ATP8B1: variants seen among roughly 807,000 people sequenced by gnomAD.
ATP8B1 encodes ATPase phospholipid transporting 8B1, also known as phospholipid-transporting ATPase IC.
ATP8B1 carries 80 observed loss-of-function variants against 149.9 expected under a neutral mutation model. That is an observed-to-expected ratio of 0.53 (90% CI 0.45 to 0.64). ATP8B1 has a LOEUF of 0.64. Among genes scored for constraint, ATP8B1 ranks in the 30% least tolerant of loss-of-function variants. The pLI is 0.00. For synonymous variants in ATP8B1, 536 were observed against 562.8 expected, an observed-to-expected ratio of 0.95 and a Z score of 0.67; for missense variants, 1,247 against 1,552.6, an observed-to-expected ratio of 0.80 and a Z score of 3.31.
chr18:57,766,322 A>T (rs553666537), intron 1 of ATP8B1, among the ~76,000 whole-genome samples: 19 of 152,180 alleles, frequency 1.2e-4, no homozygotes, highest in Non-Finnish European at 1.6e-4. Flanking sequence ...ATAACAATAA[A>T]TTTTTTTTAA....
chr18:57,651,983 A>G, intron 26 of ATP8B1, 51 bp downstream of exon 26: 1 of 1,581,312 alleles, frequency 6.3e-7, no homozygotes. Flanking sequence ...TCAAAATCTA[A>G]ACTAATGACA....
chr18:57,702,749 C>G (rs982843893), intron 4 of ATP8B1, among the ~76,000 whole-genome samples: 1 of 151,646 alleles, frequency 6.6e-6, no homozygotes, highest in African/African-American at 2.4e-5. Context: ...CCCAGCTACT[C>G]AGGAGGCTGA....
chr18:57,776,332 C>T (rs944476028), intron 1 of ATP8B1, among the ~76,000 whole-genome samples: 1 of 152,208 alleles, frequency 6.6e-6, no homozygotes, highest in Non-Finnish European at 1.5e-5. Context: ...GTAATAGTAC[C>T]ACCTCGCATT....
At chr18:57,763,056 GT>G (rs1037423808) in intron 1 of ATP8B1, among the ~76,000 whole-genome samples, 6 of 152,162 alleles carry the variant, frequency 3.9e-5, no homozygotes, top group African/African-American at 1.4e-4. Flanking sequence ...CTGTTATCAA[GT>G]CATTTCTTAG....
At chr18:57,739,839 C>T (rs2079892531) in intron 1 of ATP8B1, among the ~76,000 whole-genome samples, 1 of 152,188 alleles carries the variant, frequency 6.6e-6, no homozygotes, top group Non-Finnish European at 1.5e-5. Flanking sequence ...AACCAGCCCT[C>T]TAGTAGGGTA....
At chr18:57,744,307 C>A (rs1428419877) in intron 1 of ATP8B1, among the ~76,000 whole-genome samples, 565 of 97,734 alleles carry the variant, frequency 5.8e-3, no homozygotes, top group East Asian at 8.4e-3. Flanking sequence ...GAGACTGTCT[C>A]AAAAAAAAAA....
intron 16 of ATP8B1, among the ~76,000 whole-genome samples, chr18:57,672,787 A>G (rs924923132): frequency 2.7e-5 from 4 of 148,094 alleles, no homozygotes; most frequent in Non-Finnish European, 6.0e-5. Context: ...AATCACTTGA[A>G]CCAGGGAGGT....
chr18:57,742,312 T>C (rs55817271), intron 1 of ATP8B1, among the ~76,000 whole-genome samples: 129 of 152,292 alleles, frequency 8.5e-4, no homozygotes, highest in African/African-American at 2.9e-3. Context: ...ACAGCGTAAT[T>C]ACAGTTCCCA....
intron 1 of ATP8B1, among the ~76,000 whole-genome samples, chr18:57,740,011 T>C (rs2079895606): frequency 6.6e-6 from 1 of 152,164 alleles, no homozygotes; most frequent in Non-Finnish European, 1.5e-5. Context: ...CCACTACCTA[T>C]TTTTTTAGAT....
At chr18:57,698,224 A>G (rs959251550) in intron 6 of ATP8B1, among the ~76,000 whole-genome samples, 1 of 152,112 alleles carries the variant, frequency 6.6e-6, no homozygotes, top group African/African-American at 2.4e-5. Context: ...CACTTGCTCC[A>G]TGCTGGTCCC....
At chr18:57,799,154 T>G (rs988149747) in intron 1 of ATP8B1, among the ~76,000 whole-genome samples, 4 of 152,184 alleles carry the variant, frequency 2.6e-5, no homozygotes, top group African/African-American at 9.6e-5. Context: ...AACTGAAGCC[T>G]AGAGAGGCAA....
intron 1 of ATP8B1, among the ~76,000 whole-genome samples, chr18:57,756,210 TACACACAC>T (rs573321061): frequency 1.7e-4 from 18 of 109,032 alleles, no homozygotes; most frequent in Middle Eastern, 5.1e-3. Context: ...TATATATATA[TACACACAC>T]ACACACACAC....
At chr18:57,795,379 G>T (rs564322354) in intron 1 of ATP8B1, among the ~76,000 whole-genome samples, 2 of 152,036 alleles carry the variant, frequency 1.3e-5, no homozygotes, top group African/African-American at 4.8e-5. Flanking sequence ...CTCCAGCCTG[G>T]GCAACAGAGT....
intron 11 of ATP8B1, among the ~76,000 whole-genome samples, chr18:57,692,425 A>ATTTTTT (rs10547283): frequency 1.8e-5 from 1 of 57,066 alleles, no homozygotes; most frequent in African/African-American, 6.7e-5. Flanking sequence ...TATTCAACAG[A>ATTTTTT]TTTTTTTTTT....
chr18:57,669,654 CTTT>C (rs11326847), intron 17 of ATP8B1, among the ~76,000 whole-genome samples, 172 bp from the exon 18 acceptor site: 2 of 148,560 alleles, frequency 1.3e-5, no homozygotes, highest in Admixed American at 6.7e-5. Flanking sequence ...TTAAATGTCA[CTTT>C]TTTTTTTTTT....
intron 4 of ATP8B1, among the ~76,000 whole-genome samples, chr18:57,702,582 G>A (rs894927512): frequency 1.3e-5 from 2 of 152,220 alleles, no homozygotes; most frequent in Non-Finnish European, 2.9e-5. Context: ...ACTGCGCCAG[G>A]CACGGTAGCT....
chr18:57,652,062 A>G lies in ATP8B1; in HGVS notation c.3372T>C (p.Val1124=). The change falls in exon 26 of 28, where the codon GTT becomes GTC. Residue 1124 remains valine, a synonymous_variant. Coordinates refer to ENST00000648908, the MANE Select transcript of ATP8B1 (RefSeq NM_001374385.1). ...TAAATTGAAATGCAGATGGAAAGAG[A>G]ACATGTATTCCAGCACTATGAAAGT... is the stretch of plus-strand genomic sequence containing the variant. The part of the protein sequence containing the change: ...MFDFHSAGIH[V]LFPSAFQFTG... 3 of 1,613,958 alleles carry G rather than the reference A, an allele frequency of 1.9e-6. No individual in the cohort carries two copies. The highest frequency in any genetic ancestry group is 2.5e-6 in the Non-Finnish European group (3 of 1,179,940).
At chr18:57,733,031 T>G (rs1277172081) in intron 1 of ATP8B1, among the ~76,000 whole-genome samples, 1 of 152,192 alleles carries the variant, frequency 6.6e-6, no homozygotes, top group African/African-American at 2.4e-5. Context: ...CTTTCTATCT[T>G]CCTAACTACC....
At chr18:57,653,902 A>G in intron 24 of ATP8B1, 90 bp downstream of exon 24, 2 of 1,169,946 alleles carry the variant, frequency 1.7e-6, no homozygotes, top group South Asian at 1.3e-5. Context: ...AGAAGTAAAC[A>G]CCAGAAGAAT....
Sources: allele counts gnomAD v4.1 joint callset (sites outside exome capture counted in the v4.1 genomes callset), GRCh38; gene constraint gnomAD v4.1.1; transcripts MANE v1.5; gene names NCBI Gene and HGNC (gene_info 2026-07-23, HGNC 2026-07-21).